Variants in TDRD7 observed in about 807,000 individuals in gnomAD.
TDRD7 encodes tudor domain containing 7, also known as tudor domain-containing protein 7.
TDRD7 carries 47 observed loss-of-function variants against 109.8 expected under a neutral mutation model. That is an observed-to-expected ratio of 0.43 (90% CI 0.34 to 0.55). The LOEUF is 0.55. TDRD7 is among the 20% of genes least tolerant of loss of function. The pLI, the probability that TDRD7 is intolerant of heterozygous loss-of-function variation, is 0.03. For synonymous variants in TDRD7, 424 were observed against 457.3 expected, an observed-to-expected ratio of 0.93 and a Z score of 0.93; for missense variants, 1,164 against 1,319.2, an observed-to-expected ratio of 0.88 and a Z score of 1.82.
intron 16 of TDRD7, among the ~76,000 whole-genome samples, chr9:97,489,130 G>C (rs540608968): frequency 2.7e-4 from 41 of 152,266 alleles, no homozygotes; most frequent in African/African-American, 9.9e-4. Flanking sequence ...TTGAGATGAA[G>C]TATTCTATAG....
chr9:97,486,135 G>A (rs1052601821), intron 15 of TDRD7, among the ~76,000 whole-genome samples: 1 of 152,146 alleles, frequency 6.6e-6, no homozygotes, highest in African/African-American at 2.4e-5. Context: ...GTTCTGGTGG[G>A]CTTCTGGCTG....
intron 6 of TDRD7, among the ~76,000 whole-genome samples, chr9:97,459,291 CTT>C (rs1828669359): frequency 6.6e-6 from 1 of 152,094 alleles, no homozygotes; most frequent in Non-Finnish European, 1.5e-5. Context: ...TCCAATAAAA[CTT>C]TATGTATATT....
At chr9:97,487,617 G>A (rs1316411130) in intron 16 of TDRD7, among the ~76,000 whole-genome samples, 1 of 151,622 alleles carries the variant, frequency 6.6e-6, no homozygotes, top group Admixed American at 6.6e-5. Context: ...ATATAATACT[G>A]CATTCTGCTT....
At chr9:97,446,845 C>T (rs1226996294) in intron 6 of TDRD7, among the ~76,000 whole-genome samples, 1 of 152,066 alleles carries the variant, frequency 6.6e-6, no homozygotes, top group African/African-American at 2.4e-5. Context: ...AAAACCAAAA[C>T]AACTTGGATT....
Position 97,495,791 on chromosome 9 carries a change from G to T in TDRD7, c.3205G>T (p.Val1069Phe). 1 of 1,614,066 alleles carries T rather than the reference G, an allele frequency of 6.2e-7. No homozygotes were observed. The highest frequency in any genetic ancestry group is 8.5e-7 in the Non-Finnish European group (1 of 1,179,948). The part of the protein sequence containing the change: ...NANPWDRKVV[V>F]YLVDTSLPDT... ...TAACCCTTGGGACCGGAAAGTAGTG[G>T]TCTACTTAGTGGACACATCGTTGCC... The change falls in exon 17 of 17, where the codon GTC becomes TTC. Residue 1069 changes from valine (V) to phenylalanine (F), a missense_variant. Val to Phe is a conservative substitution (Grantham distance 50). Transcript: ENST00000355295.
At chr9:97,452,660 T>C (rs570364623) in intron 6 of TDRD7, among the ~76,000 whole-genome samples, 4 of 152,204 alleles carry the variant, frequency 2.6e-5, no homozygotes, top group Admixed American at 6.5e-5. Flanking sequence ...GACTTATTGG[T>C]CAAAAATTCA....
chr9:97,420,086 CTTTA>C (rs1250751883), intron 1 of TDRD7, among the ~76,000 whole-genome samples: 1 of 152,034 alleles, frequency 6.6e-6, no homozygotes, highest in African/African-American at 2.4e-5. Flanking sequence ...ATCAAGGCAA[CTTTA>C]TTTATAATAT....
chr9:97,420,652 T>C (rs984466119), intron 1 of TDRD7, among the ~76,000 whole-genome samples: 7 of 152,224 alleles, frequency 4.6e-5, no homozygotes, highest in African/African-American at 1.4e-4. Flanking sequence ...TGTATGGCGC[T>C]ACTAGTTTGG....
chr9:97,463,115 A>G (rs1022656845), intron 7 of TDRD7, among the ~76,000 whole-genome samples: 10 of 152,306 alleles, frequency 6.6e-5, no homozygotes, highest in South Asian at 2.1e-4. Flanking sequence ...GCAAAGCTCA[A>G]TACATTTAAA....
chr9:97,482,744 G>A (rs1474020299), intron 14 of TDRD7, 105 bp from the exon 15 acceptor site: 89 of 1,245,856 alleles, frequency 7.1e-5, no homozygotes, highest in Non-Finnish European at 9.1e-5. Context: ...TTTTAGCAAG[G>A]GTTTTGGCAA....
chr9:97,476,564 G>GAAA lies in TDRD7; in HGVS notation c.2166+1107_2166+1109dup, dbSNP rs11370965. Among the ~76,000 whole-genome samples, 18 of 123,400 alleles carry GAAA rather than the reference G, an allele frequency of 1.5e-4. No individual in the cohort carries two copies. In the East Asian group the frequency reaches 3.0e-3, roughly 20 times the overall value. The allele number at this position is 123,400 out of a possible 152,430, so 81.0% of individuals were successfully genotyped here. On this transcript the variant is annotated intron_variant, in intron 12 of 16. Transcript: ENST00000355295. Reference sequence around the variant, plus strand: ...CATACCATCTCTACAAAACCAAAAAGAAAAAAAAAAAAAACTAAACAAAAA... The same window carrying GAAA: ...CATACCATCTCTACAAAACCAAAAAGAAAAAAAAAAAAAAAAACTAAACAAAAA...
At chr9:97,488,237 G>A (rs536657687) in intron 16 of TDRD7, among the ~76,000 whole-genome samples, 11 of 152,220 alleles carry the variant, frequency 7.2e-5, no homozygotes, top group Non-Finnish European at 1.3e-4. Context: ...CCAAAGAGTT[G>A]AGGGGTGCCT....
chr9:97,447,568 A>C (rs1828423494), intron 6 of TDRD7, among the ~76,000 whole-genome samples: 1 of 152,216 alleles, frequency 6.6e-6, no homozygotes, highest in African/African-American at 2.4e-5. Context: ...AGAGGGAAAA[A>C]CAAAACTTTA....
At chr9:97,431,882 C>A in intron 3 of TDRD7, 143 bp from the exon 4 acceptor site, 1 of 783,200 alleles carries the variant, frequency 1.3e-6, no homozygotes, top group Non-Finnish European at 2.3e-6. Context: ...TGTTGACCAG[C>A]CCTCCAGTGG....
rs188300713 is a variant in TDRD7 at position 97,477,855 on chromosome 9, G to A, written c.2167-584G>A. ...ATCAAATCATTTTATAATAAATCAC[G>A]TCCTAGAATTGGAGAAATAATAAAT... On this transcript the variant is annotated intron_variant, in intron 12 of 16. Transcript: ENST00000355295. 1.4e-3 allele frequency among the ~76,000 whole-genome samples: 219 copies of A among 152,032 alleles called. 1 individual carries two copies. Among genetic ancestry groups the A allele is most frequent in the Non-Finnish European group, 5.3e-4 (36 of 67,988 alleles).
At chr9:97,415,107 A>C (rs554751332) in intron 1 of TDRD7, among the ~76,000 whole-genome samples, 3 of 152,360 alleles carry the variant, frequency 2.0e-5, no homozygotes, top group Non-Finnish European at 4.4e-5. Context: ...AAAGAAGCTA[A>C]GAGAGATTAC....
chr9:97,480,870 A>G lies in TDRD7; in HGVS notation c.2344A>G (p.Met782Val), dbSNP rs752597965. ...AGCAGATCTTCCACAATCTATTGGC[A>G]TGTGGACACCAGATGCAGTGCTGTG... The part of the protein sequence containing the change: ...CLADLPQSIG[M>V]WTPDAVLWLR... Residue 782 changes from methionine (M) to valine (V), a missense_variant, in exon 14 of 17, where the codon ATG (methionine) becomes GTG (valine). By Grantham distance (21) the Met-to-Val change is conservative. Around this residue, in one of 5 missense-constraint regions of TDRD7, gnomAD observed 233 missense variants for 218.0 expected, o/e 1.07. Transcript: ENST00000355295. The G allele has an allele frequency of 9.3e-6, 15 of 1,614,010 alleles. No homozygotes were observed. In the Admixed American group the frequency reaches 1.2e-4, roughly 13 times the overall value.
intron 8 of TDRD7, among the ~76,000 whole-genome samples, chr9:97,467,432 C>T (rs1037133611): frequency 5.9e-5 from 9 of 152,240 alleles, no homozygotes; most frequent in African/African-American, 2.2e-4. Context: ...AGCTGTGTGG[C>T]CTTAGGAAAG....
chr9:97,449,554 A>G (rs771313484), intron 6 of TDRD7, among the ~76,000 whole-genome samples: 18 of 152,232 alleles, frequency 1.2e-4, no homozygotes, highest in Non-Finnish European at 2.2e-4. Context: ...AAATGCATAA[A>G]TGGGGGAAGC....
Sources: gnomAD v4.1 joint callset for allele counts (sites outside exome capture counted in the v4.1 genomes callset) on GRCh38, gnomAD v4.1.1 for gene constraint, gnomAD v4.1.1 regional missense constraint, MANE v1.5 for transcripts, NCBI Gene and HGNC (gene_info 2026-07-23, HGNC 2026-07-21) for gene names.